DIP2B: variants seen among roughly 807,000 people sequenced by gnomAD.
DIP2B encodes the protein DIP2 acetate--CoA ligase B (putative), also known as disco-interacting protein 2 homolog B.
A neutral mutation model predicts 198.0 loss-of-function variants in DIP2B; 76 were observed. The ratio of observed to expected loss-of-function variants is 0.38; its 90% confidence interval spans 0.32 to 0.46. DIP2B has a LOEUF of 0.46. DIP2B is among the 20% of genes least tolerant of loss of function. DIP2B has a pLI of 0.99. For missense variants in DIP2B, 1,559 were observed against 1,978.4 expected, an observed-to-expected ratio of 0.79 and a Z score of 4.02; for synonymous variants, 701 against 739.1, an observed-to-expected ratio of 0.95 and a Z score of 0.84.
At chr12:50,649,827 G>C (rs1938421950) in intron 3 of DIP2B, among the ~76,000 whole-genome samples, 1 of 152,124 alleles carries the variant, frequency 6.6e-6, no homozygotes, top group Non-Finnish European at 1.5e-5. Context: ...CTGCAATCCG[G>C]CCTGGGTGAA....
At chr12:50,655,697 TG>T (rs1276895017) in intron 3 of DIP2B, among the ~76,000 whole-genome samples, 2 of 152,240 alleles carry the variant, frequency 1.3e-5, no homozygotes, top group Admixed American at 1.3e-4. Flanking sequence ...TAGCAATTTT[TG>T]GCTGGGTGCA....
intron 10 of DIP2B, among the ~76,000 whole-genome samples, chr12:50,685,041 G>A (rs1009162449): frequency 6.6e-6 from 1 of 152,158 alleles, no homozygotes; most frequent in Non-Finnish European, 1.5e-5. Flanking sequence ...GTAGTGAGCC[G>A]AGATCATGCC....
chr12:50,539,139 G>A (rs1689576670), intron 1 of DIP2B, among the ~76,000 whole-genome samples: 1 of 151,786 alleles, frequency 6.6e-6, no homozygotes, highest in African/African-American at 2.4e-5. Context: ...TTTGCTTTTT[G>A]TCTTTGGAGT....
intron 1 of DIP2B, among the ~76,000 whole-genome samples, chr12:50,519,494 T>C (rs571900413): frequency 6.6e-6 from 1 of 152,322 alleles, no homozygotes; most frequent in East Asian, 1.9e-4. Context: ...GAAGTTACTT[T>C]TTCTTCCTTG....
At chr12:50,727,672 A>G in intron 28 of DIP2B, 31 bp from the exon 29 acceptor site, 1 of 1,578,922 alleles carries the variant, frequency 6.3e-7, no homozygotes, top group African/African-American at 1.3e-5. Context: ...AGCATGTTGG[A>G]TTGACATCAG....
chr12:50,590,817 G>T (rs1032199583), intron 1 of DIP2B, among the ~76,000 whole-genome samples: 2 of 152,198 alleles, frequency 1.3e-5, no homozygotes, highest in Admixed American at 1.3e-4. Context: ...TGAAATTTTA[G>T]TGTATTTATA....
chr12:50,621,054 A>G (rs181544189), intron 1 of DIP2B, among the ~76,000 whole-genome samples: 1 of 152,348 alleles, frequency 6.6e-6, no homozygotes, highest in African/African-American at 2.4e-5. Context: ...TATTTTTGCA[A>G]GTTCCTTGGG....
chr12:50,587,539 CA>C, intron 1 of DIP2B, among the ~76,000 whole-genome samples: 1 of 152,246 alleles, frequency 6.6e-6, no homozygotes. Context: ...TACTTTAAAT[CA>C]TAGAGGTGTA....
At chr12:50,607,734 G>A (rs1958995933) in intron 1 of DIP2B, among the ~76,000 whole-genome samples, 1 of 152,196 alleles carries the variant, frequency 6.6e-6, no homozygotes, top group Admixed American at 6.5e-5. Flanking sequence ...CTCTTAGTCT[G>A]AAAACAGAGG....
At chr12:50,739,306 T>C in intron 35 of DIP2B, 103 bp from the exon 36 acceptor site, 1 of 1,322,188 alleles carries the variant, frequency 7.6e-7, no homozygotes, top group African/African-American at 1.5e-5. Context: ...TGTGTTGTTG[T>C]TAATATAAAA....
chr12:50,615,069 A>G (rs896783889), intron 1 of DIP2B, among the ~76,000 whole-genome samples: 3 of 152,200 alleles, frequency 2.0e-5, no homozygotes, highest in African/African-American at 7.2e-5. Context: ...AGTGATTGGT[A>G]TAGATACTAT....
chr12:50,566,759 G>A lies in DIP2B; in HGVS notation c.101-59217G>A, dbSNP rs190111200. ...CTGAGATGGGCAGATCACAAGGTCA[G>A]GAGATCGAGACCATCCTGGCTAACA... On this transcript the variant is annotated intron_variant, in intron 1 of 37. Coordinates refer to ENST00000301180, the MANE Select transcript of DIP2B (RefSeq NM_173602.3). Among the ~76,000 whole-genome samples, 352 of 152,164 alleles carry A rather than the reference G, an allele frequency of 2.3e-3. 2 individuals carry two copies. The highest frequency in any genetic ancestry group is 8.0e-3 in the African/African-American group (331 of 41,520).
At chr12:50,653,328 C>CTTTTTT (rs71086465) in intron 3 of DIP2B, among the ~76,000 whole-genome samples, 185 of 115,906 alleles carry the variant, frequency 1.6e-3, no homozygotes, top group Middle Eastern at 5.7e-3. Flanking sequence ...GTCTTTCTTT[C>CTTTTTT]TTTTTTTTTT....
rs139537434 is a variant in DIP2B, at chr12:50,649,888, A to T, written c.301+9036A>T. Among the ~76,000 whole-genome samples, 1,073 of 152,020 alleles carry T rather than the reference A, an allele frequency of 7.1e-3. 2 individuals are homozygous for T. Among genetic ancestry groups the T allele is most frequent in the Non-Finnish European group, 9.3e-3 (633 of 67,954 alleles). On this transcript the variant is annotated intron_variant, in intron 3 of 37. Transcript: ENST00000301180. ...AAAGTATAAACTTCAAAAATCAGAGATCTTATGTAAAAGAGAAACCATATT... is the reference window on the plus strand; with the variant it reads ...AAAGTATAAACTTCAAAAATCAGAGTTCTTATGTAAAAGAGAAACCATATT...
At chr12:50,682,628 CAA>C (rs58672851) in intron 9 of DIP2B, among the ~76,000 whole-genome samples, 23 of 42,122 alleles carry the variant, frequency 5.5e-4, no homozygotes, top group South Asian at 1.1e-3. Flanking sequence ...GACTCTGTCT[CAA>C]AAAAAAAAAA....
chr12:50,743,499 C>G (rs1407371004), intron 37 of DIP2B: 3 of 152,166 alleles, frequency 2.0e-5, no homozygotes, highest in Non-Finnish European at 2.9e-5. Context: ...GAGACACTTG[C>G]GTGGGGCACT....
chr12:50,556,382 C>T (rs1411523322), intron 1 of DIP2B, among the ~76,000 whole-genome samples: 5 of 152,084 alleles, frequency 3.3e-5, no homozygotes, highest in Non-Finnish European at 4.4e-5. Context: ...GCCGACTCCT[C>T]ATCTTTTTAC....
intron 1 of DIP2B, among the ~76,000 whole-genome samples, chr12:50,623,063 C>A (rs1263120112): frequency 6.6e-6 from 1 of 152,030 alleles, no homozygotes; most frequent in Non-Finnish European, 1.5e-5. Context: ...ATAAATCAGG[C>A]TTAGTTTTTA....
chr12:50,664,830 GT>G lies in DIP2B; in HGVS notation c.427+4516del, dbSNP rs1205734576. On this transcript the variant is annotated intron_variant, in intron 4 of 37. Transcript: ENST00000301180. ...CAAGGAGAATTTCCCTCCTTTTTTG[GT>G]TTTTGTTTTTTTTTTTTTTTTTTTT... Among the ~76,000 whole-genome samples the G allele has an allele frequency of 2.5e-4, 25 of 99,644 alleles. 3 individuals are homozygous for G. The highest frequency in any genetic ancestry group is 3.4e-4 in the South Asian group (1 of 2,926). 65.4% of individuals were successfully genotyped at this position (99,644 alleles called of 152,430 possible).
Sources: gnomAD v4.1 joint callset for allele counts (sites outside exome capture counted in the v4.1 genomes callset) on GRCh38, gnomAD v4.1.1 for gene constraint, MANE v1.5 for transcripts, NCBI Gene and HGNC (gene_info 2026-07-23, HGNC 2026-07-21) for gene names.